The following SLC4A4 variants were observed in gnomAD, a reference collection of about 807,000 sequenced individuals.
The protein encoded by SLC4A4 is electrogenic sodium bicarbonate cotransporter 1.
Under a neutral mutation model 111.5 loss-of-function variants are expected in SLC4A4, and 27 were observed. The ratio of observed to expected loss-of-function variants is 0.24; its 90% confidence interval spans 0.18 to 0.33. The LOEUF (loss-of-function observed/expected upper bound fraction) is 0.33. Ranked by LOEUF, SLC4A4 falls within the 10% of genes least tolerant of loss-of-function variation. The pLI is 1.00. For missense variants in SLC4A4, 909 were observed against 1,315.5 expected, an observed-to-expected ratio of 0.69 and a Z score of 4.78; for synonymous variants, 443 against 463.4, an observed-to-expected ratio of 0.96 and a Z score of 0.57.
intron 18 of SLC4A4, among the ~76,000 whole-genome samples, chr4:71,543,956 G>A (rs1378799354): frequency 2.6e-5 from 4 of 151,962 alleles, no homozygotes; most frequent in Admixed American, 1.3e-4. Flanking sequence ...GTATATGCAT[G>A]CTATTTTTCC....
intron 6 of SLC4A4, among the ~76,000 whole-genome samples, chr4:71,393,152 TG>T (rs1719472470): frequency 6.6e-6 from 1 of 152,024 alleles, no homozygotes; most frequent in Non-Finnish European, 1.5e-5. Flanking sequence ...AACATAACAC[TG>T]GAAGTCCCTA....
chr4:71,424,591 C>G (rs1449299271), intron 7 of SLC4A4, among the ~76,000 whole-genome samples: 1 of 151,972 alleles, frequency 6.6e-6, no homozygotes, highest in Non-Finnish European at 1.5e-5. Flanking sequence ...GGAACCAACC[C>G]AAATGTCCAA....
chr4:71,470,088 A>T (rs1727723872), intron 13 of SLC4A4, among the ~76,000 whole-genome samples: 1 of 152,008 alleles, frequency 6.6e-6, no homozygotes, highest in Non-Finnish European at 1.5e-5. Flanking sequence ...TTAAGGAAAA[A>T]GTATGTTGTC....
chr4:71,493,024 G>T (rs560031370), intron 15 of SLC4A4, among the ~76,000 whole-genome samples: 2 of 151,738 alleles, frequency 1.3e-5, no homozygotes, highest in Admixed American at 6.6e-5. Context: ...TACCTGTAAA[G>T]GTTACATTCG....
At chr4:71,104,056 T>A (rs1742841827) in intron 2 of SLC4A4, among the ~76,000 whole-genome samples, 1 of 64,114 alleles carries the variant, frequency 1.6e-5, no homozygotes, top group Non-Finnish European at 3.1e-5. Context: ...GAGAGAAGAA[T>A]CAAATAGACA....
chr4:71,159,210 G>C (rs1454750357), intron 2 of SLC4A4, among the ~76,000 whole-genome samples: 7 of 152,128 alleles, frequency 4.6e-5, no homozygotes, highest in African/African-American at 1.7e-4. Flanking sequence ...ACATTGCATT[G>C]TGGATAGCTG....
At chr4:71,110,133 G>T (rs150809524) in intron 2 of SLC4A4, among the ~76,000 whole-genome samples, 9 of 152,248 alleles carry the variant, frequency 5.9e-5, no homozygotes, top group Admixed American at 5.9e-4. Context: ...CTGTCTGGGT[G>T]GGGAAACAGA....
At chr4:71,074,292 G>T (rs1324954816) in intron 1 of SLC4A4, among the ~76,000 whole-genome samples, 1 of 152,178 alleles carries the variant, frequency 6.6e-6, no homozygotes, top group East Asian at 1.9e-4. Flanking sequence ...GCTGAGACTT[G>T]AGGCTGCACC....
At chr4:71,068,810 G>C (rs1290016413) in intron 1 of SLC4A4, among the ~76,000 whole-genome samples, 1 of 152,050 alleles carries the variant, frequency 6.6e-6, no homozygotes, top group Non-Finnish European at 1.5e-5. Flanking sequence ...CAAGTGATCT[G>C]CCTGCCTTGG....
intron 1 of SLC4A4, chr4:71,233,255 G>A (rs928277043): frequency 3.5e-5 from 34 of 984,830 alleles, no homozygotes; most frequent in Non-Finnish European, 3.9e-5. Flanking sequence ...ATGAATGAAT[G>A]CAGGAAAGAG....
rs201092552 is a variant in SLC4A4, at chr4:71,349,901, C to T, written c.390-11C>T. 2.1e-4 allele frequency: 336 copies of T among 1,613,802 alleles called. 1 individual carries two copies. The highest frequency in any genetic ancestry group is 5.8e-4 in the Admixed American group (35 of 59,980). On this transcript the variant is annotated splice_polypyrimidine_tract_variant and intron_variant, in intron 4 of 25. Transcript: ENST00000264485. ...ACTTTTAATTGCTCTTCACTAATCT[C>T]ATCTTCCTAGGTGGATCAAGTTTGA...
intron 6 of SLC4A4, among the ~76,000 whole-genome samples, chr4:71,382,057 C>T (rs1228253586): frequency 1.3e-5 from 2 of 152,020 alleles, no homozygotes; most frequent in African/African-American, 4.8e-5. Context: ...CATGAGAGCT[C>T]CCTCAATACA....
intron 7 of SLC4A4, among the ~76,000 whole-genome samples, chr4:71,440,269 C>T (rs537976607): frequency 1.3e-5 from 2 of 152,132 alleles, no homozygotes; most frequent in East Asian, 3.9e-4. Flanking sequence ...TTCCCTAAGG[C>T]TTATAGTATT....
At chr4:71,211,217 A>G (rs1386104917) in intron 1 of SLC4A4, among the ~76,000 whole-genome samples, 11 of 152,136 alleles carry the variant, frequency 7.2e-5, no homozygotes, top group Admixed American at 7.2e-4. Flanking sequence ...ACTTACTCCT[A>G]CAGATTTTAG....
intron 18 of SLC4A4, among the ~76,000 whole-genome samples, chr4:71,540,694 C>T (rs572555684): frequency 6.6e-6 from 1 of 151,634 alleles, no homozygotes; most frequent in Non-Finnish European, 1.5e-5. Context: ...ATTGACCATG[C>T]CTTTCTTTGT....
intron 1 of SLC4A4, among the ~76,000 whole-genome samples, chr4:71,205,669 A>G (rs1717710067): frequency 6.6e-6 from 1 of 152,208 alleles, no homozygotes; most frequent in Non-Finnish European, 1.5e-5. Context: ...GGACCACAAA[A>G]CAAAAGGTCA....
At chr4:71,327,718 T>A (rs1407355848) in intron 3 of SLC4A4, among the ~76,000 whole-genome samples, 2 of 151,988 alleles carry the variant, frequency 1.3e-5, no homozygotes, top group Non-Finnish European at 2.9e-5. Context: ...ATAATAGGTA[T>A]ATATATTTAC....
rs562302930 is a variant in SLC4A4, at chr4:71,371,464, G to A, written c.730+14277G>A. Among the ~76,000 whole-genome samples, 15 of 151,796 alleles carry A rather than the reference G, an allele frequency of 9.9e-5. No homozygotes were observed. The South Asian group carries it at 1.5e-3, about 15-fold the overall frequency. On this transcript the variant is annotated intron_variant, in intron 6 of 25. Transcript: ENST00000264485. ...TCGCCATGTTGGCCAGGCTGGTTTC[G>A]AACTCCTGACCTCAGGTGATCCACC...
intron 2 of SLC4A4, among the ~76,000 whole-genome samples, chr4:71,175,461 A>T (rs1392243031): frequency 6.6e-6 from 1 of 152,224 alleles, no homozygotes; most frequent in African/African-American, 2.4e-5. Flanking sequence ...ACACCTGGAA[A>T]ATTGGGTGAC....
Sources: gnomAD v4.1 joint callset for allele counts (sites outside exome capture counted in the v4.1 genomes callset) on GRCh38, gnomAD v4.1.1 for gene constraint, MANE v1.5 for transcripts, NCBI Gene and HGNC (gene_info 2026-07-23, HGNC 2026-07-21) for gene names.